Variants in SBNO2 observed in about 807,000 individuals in gnomAD.
SBNO2 encodes the protein strawberry notch homolog 2.
A neutral mutation model predicts 146.3 loss-of-function variants in SBNO2; 89 were observed. The observed-to-expected ratio is 0.61, with a 90% CI of 0.51 to 0.73. The LOEUF (loss-of-function observed/expected upper bound fraction) is 0.73. Among genes scored for constraint, SBNO2 ranks in the 30% least tolerant of loss-of-function variants. The probability of loss-of-function intolerance (pLI) is 0.00; values close to 1 mark genes in which losing one functional copy is unlikely to be tolerated. For missense variants in SBNO2, 2,092 were observed against 2,003.7 expected, an observed-to-expected ratio of 1.04 and a Z score of -0.84; for synonymous variants, 1,147 against 892.6, an observed-to-expected ratio of 1.29 and a Z score of -5.08.
intron 4 of SBNO2, among the ~76,000 whole-genome samples, chr19:1,141,846 C>T (rs1003786264): frequency 6.6e-6 from 1 of 152,070 alleles, no homozygotes; most frequent in African/African-American, 2.4e-5. Context: ...TGGTCTCAAA[C>T]CCCTGGGCTC....
chr19:1,138,483 T>C (rs2080105393), intron 4 of SBNO2, among the ~76,000 whole-genome samples: 1 of 151,944 alleles, frequency 6.6e-6, no homozygotes, highest in African/African-American at 2.4e-5. Context: ...CTAACAGCGA[T>C]TCACAGCTGC....
At chr19:1,164,438 G>C (rs1216809606) in intron 1 of SBNO2, among the ~76,000 whole-genome samples, 12 of 147,694 alleles carry the variant, frequency 8.1e-5, no homozygotes, top group East Asian at 2.0e-4. Context: ...GGAGGAGGAG[G>C]AGGAGGAGGA....
chr19:1,108,404 T>G lies in SBNO2; in HGVS notation c.3917A>C (p.Gln1306Pro). 1 of 1,277,510 alleles carries G rather than the reference T, an allele frequency of 7.8e-7. No homozygotes were observed. The highest frequency in any genetic ancestry group is 9.9e-7 in the Non-Finnish European group (1 of 1,006,568). The allele number at this position is 1,277,510 out of a possible 1,614,324, so 79.1% of individuals were successfully genotyped here. A position where few individuals can be genotyped will look rare whatever the true frequency, so the allele number is the denominator to read the frequency against. Residue 1306 changes from glutamine to proline, a missense_variant, in exon 32 of 32, where the codon CAG (glutamine) becomes CCG (proline). Gln to Pro is a moderately conservative substitution (Grantham distance 76). Coordinates refer to ENST00000361757, the MANE Select transcript of SBNO2 (RefSeq NM_014963.3). ...CTCCTTGAAGTTGATGTCGCAGCCC[T>G]GGTGCGCGAGGGCCGCAGGGTCGGC... ...AQADPAALAH[Q>P]GCDINFKEVL...
At position 1,122,628 on chromosome 19, in the gene SBNO2, T is replaced by TCCCGCC. The variant is rs780816276; in HGVS notation, c.914+24_914+29dup. On this transcript the variant is annotated intron_variant, in intron 9 of 31. Coordinates refer to ENST00000361757, the MANE Select transcript of SBNO2 (RefSeq NM_014963.3). ...CCCCGCTTCCGCCCCCCACCCCCGC[T>TCCCGCC]CCCGCCCCCTGCCCCAGGCAGGGCC... The TCCCGCC allele has an allele frequency of 6.0e-5, 28 of 467,526 alleles. No individual in the cohort carries two copies. The South Asian group carries it at 1.1e-3, about 18-fold the overall frequency. The allele number at this position is 467,526 out of a possible 1,614,324, so 29.0% of individuals were successfully genotyped here.
At position 1,158,292 on chromosome 19, in the gene SBNO2, G is replaced by A. The variant is rs117587881; in HGVS notation, c.-126-3890C>T. On this transcript the variant is annotated intron_variant, in intron 1 of 31. Coordinates refer to ENST00000361757, the MANE Select transcript of SBNO2 (RefSeq NM_014963.3). The surrounding 1 kb of genome is among the most constrained non-coding windows in gnomAD (Gnocchi z 9.9). ...TCTGCAGATGGGGAGCTGTGTCCTC[G>A]GAGCCCGGTTCTCCTGCCGTCCTCT... Among the ~76,000 whole-genome samples, 68 of 152,152 alleles carry A rather than the reference G, an allele frequency of 4.5e-4. 1 individual carries two copies. In the East Asian group the frequency reaches 7.5e-3, roughly 17 times the overall value.
At chr19:1,166,221 G>A (rs72977536) in intron 1 of SBNO2, among the ~76,000 whole-genome samples, 3 of 11,910 alleles carry the variant, frequency 2.5e-4, no homozygotes, top group Non-Finnish European at 4.9e-4. Context: ...TCCCAGACCC[G>A]AGATTCCAGA....
In SBNO2 at chr19:1,123,640, C is replaced by T; in HGVS notation, c.523-1G>A. 1 of 1,610,908 alleles carries T rather than the reference C, an allele frequency of 6.2e-7. No individual in the cohort carries two copies. Among genetic ancestry groups the T allele is most frequent in the Non-Finnish European group, 8.5e-7 (1 of 1,179,028 alleles). ...CTGGCTGGCTCTGCACACTCTGCTC[C>T]TGCGTGCGTGGCGGGAGCTCAGCGG... On this transcript the variant is annotated splice_acceptor_variant, in intron 6 of 31. Transcript: ENST00000361757. LOFTEE classifies it high-confidence loss of function.
At chr19:1,111,435 C>T (rs753593129) in intron 24 of SBNO2, 71 bp downstream of exon 24, 18 of 1,071,600 alleles carry the variant, frequency 1.7e-5, no homozygotes, top group African/African-American at 3.2e-5. Context: ...GCCTGCTGCC[C>T]CAGCTGCTCT....
intron 4 of SBNO2, among the ~76,000 whole-genome samples, chr19:1,129,375 C>T (rs1309774375): frequency 6.6e-6 from 1 of 152,144 alleles, no homozygotes; most frequent in Non-Finnish European, 1.5e-5. Flanking sequence ...CCACTGCCCA[C>T]CCTGTCAGAC....
intron 2 of SBNO2, among the ~76,000 whole-genome samples, chr19:1,153,090 C>T (rs965400081): frequency 6.6e-6 from 1 of 151,624 alleles, no homozygotes; most frequent in African/African-American, 2.4e-5. Context: ...GAGGCAGAGG[C>T]TGCAGTGAGC....
intron 2 of SBNO2, among the ~76,000 whole-genome samples, chr19:1,151,685 C>T (rs188569549): frequency 3.0e-4 from 46 of 152,182 alleles, no homozygotes; most frequent in Non-Finnish European, 1.6e-4. Flanking sequence ...TATTTTGAGA[C>T]GGAGTCTCAC....
rs553610021 is a variant in SBNO2 at position 1,146,552 on chromosome 19, G to A, written c.279+757C>T. Among the ~76,000 whole-genome samples, 3 of 152,074 alleles carry A rather than the reference G, an allele frequency of 2.0e-5. No homozygotes were observed. The South Asian group carries it at 6.2e-4, about 32-fold the overall frequency. On this transcript the variant is annotated intron_variant, in intron 4 of 31. Coordinates refer to ENST00000361757, the MANE Select transcript of SBNO2 (RefSeq NM_014963.3). Reference sequence around the variant, plus strand: ...GAGCACCAGGTGACCCTCGCTCCCCGGCAGGCCCTGGATGTGGTCCGGCCC... The same window carrying A: ...GAGCACCAGGTGACCCTCGCTCCCCAGCAGGCCCTGGATGTGGTCCGGCCC...
chr19:1,163,319 A>G (rs2080368060), intron 1 of SBNO2, among the ~76,000 whole-genome samples: 1 of 152,208 alleles, frequency 6.6e-6, no homozygotes, highest in South Asian at 2.1e-4. Flanking sequence ...GGCTGGAGTG[A>G]CGCGGCCGCA....
chr19:1,164,133 T>G (rs1210801663), intron 1 of SBNO2, among the ~76,000 whole-genome samples: 1 of 152,202 alleles, frequency 6.6e-6, no homozygotes, highest in Non-Finnish European at 1.5e-5. Flanking sequence ...GGCTTCACAC[T>G]GCACCCCGAT....
intron 4 of SBNO2, among the ~76,000 whole-genome samples, chr19:1,141,031 A>T (rs1167939788): frequency 6.6e-6 from 1 of 151,694 alleles, no homozygotes; most frequent in Non-Finnish European, 1.5e-5. Context: ...CCTGGAGAAG[A>T]CGCACCCCGG....
At chr19:1,163,111 C>G (rs1421052835) in intron 1 of SBNO2, among the ~76,000 whole-genome samples, 1 of 152,212 alleles carries the variant, frequency 6.6e-6, no homozygotes, top group East Asian at 1.9e-4. Context: ...GGGGTGACTA[C>G]AGTCCCTCCA....
chr19:1,153,238 ATTTTTTTTTTTCT>A (rs1568624825), intron 2 of SBNO2, among the ~76,000 whole-genome samples: 3 of 148,286 alleles, frequency 2.0e-5, no homozygotes, highest in African/African-American at 4.9e-5. Context: ...TAATTTAAAA[ATTTTTTTTTTTCT>A]TTTTGAGCCA....
At position 1,141,211 on chromosome 19, in the gene SBNO2, T is replaced by A. The variant is rs2080134209; in HGVS notation, c.279+6098A>T. The stretch of plus-strand genomic sequence containing the variant: ...CCAACAAGCTCTTAGTTTTTGCAAT[T>A]TTTTTGTAATTTTTTTTTTTTTAGA... On this transcript the variant is annotated intron_variant, in intron 4 of 31. Coordinates refer to ENST00000361757, the MANE Select transcript of SBNO2 (RefSeq NM_014963.3). Among the ~76,000 whole-genome samples the A allele has an allele frequency of 3.3e-5, 5 of 152,058 alleles. No homozygotes were observed. The South Asian group carries it at 1.0e-3, about 32-fold the overall frequency.
chr19:1,117,277 C>A, intron 15 of SBNO2, 46 bp downstream of exon 15: 1 of 1,521,570 alleles, frequency 6.6e-7, no homozygotes, highest in South Asian at 1.2e-5. Context: ...GCCTCCGCCC[C>A]TGCAGGCCCG....
Sources: gnomAD v4.1 joint callset for allele counts (sites outside exome capture counted in the v4.1 genomes callset) on GRCh38, gnomAD v4.1.1 for gene constraint, Gnocchi (gnomAD v3.1) non-coding constraint, MANE v1.5 for transcripts, NCBI Gene and HGNC (gene_info 2026-07-23, HGNC 2026-07-21) for gene names.